Variants in CYP2C19 observed in about 807,000 individuals in gnomAD.
The protein encoded by CYP2C19 is cytochrome P450 2C19.
In CYP2C19, 59 loss-of-function variants were observed where a neutral mutation model predicts 40.9. That is an observed-to-expected ratio of 1.44 (90% CI 1.17 to 1.79). CYP2C19 has a LOEUF of 1.79. Ranked by LOEUF, CYP2C19 falls within the 40% of genes most tolerant of loss-of-function variation. The pLI, the probability that CYP2C19 is intolerant of heterozygous loss-of-function variation, is 0.00. For synonymous variants in CYP2C19, 253 were observed against 208.7 expected (o/e 1.21, Z -1.83); for missense variants, 754 against 596.9 (o/e 1.26, Z -2.74).
chr10:94,798,814 A>ATTTTTTTT (rs61240923), intron 5 of CYP2C19, among the ~76,000 whole-genome samples: 11 of 67,688 alleles, frequency 1.6e-4, no homozygotes, highest in Admixed American at 4.2e-4. Flanking sequence ...GCAACCCCTG[A>ATTTTTTTT]TTTTTTTTTT....
At chr10:94,816,481 C>T (rs144593784) in intron 5 of CYP2C19, among the ~76,000 whole-genome samples, 2 of 152,090 alleles carry the variant, frequency 1.3e-5, no homozygotes, top group East Asian at 3.9e-4. Flanking sequence ...CTATTTATAA[C>T]TCCATGCTGT....
chr10:94,773,980 C>G (rs573740720), intron 1 of CYP2C19: 1 of 152,256 alleles, frequency 6.6e-6, no homozygotes, highest in East Asian at 1.9e-4. Context: ...TGTTTACAAA[C>G]TTTTAGCTAG....
At chr10:94,805,894 G>A (rs72816679) in intron 5 of CYP2C19, among the ~76,000 whole-genome samples, 3,377 of 152,202 alleles carry the variant, frequency 0.022, 43 homozygotes, top group Non-Finnish European at 0.032. Flanking sequence ...GATACTGTGC[G>A]GACTAGCTGC....
rs991744282 is a variant in CYP2C19, at chr10:94,848,879, G to C, written c.1150-1038G>C. ...TCACTCATGATTTGGCTCTCTGTTT[G>C]TCTGTTATTGGTGTATAAGAATGCT... On this transcript the variant is annotated intron_variant, in intron 7 of 8. Coordinates refer to ENST00000371321, the MANE Select transcript of CYP2C19 (RefSeq NM_000769.4). 3.9e-4 allele frequency among the ~76,000 whole-genome samples: 60 copies of C among 152,122 alleles called. 1 individual carries two copies. Among genetic ancestry groups the C allele is most frequent in the Non-Finnish European group, 4.3e-4 (29 of 68,042 alleles).
At chr10:94,793,187 C>A (rs1848627453) in intron 5 of CYP2C19, among the ~76,000 whole-genome samples, 2 of 152,138 alleles carry the variant, frequency 1.3e-5, no homozygotes, top group Non-Finnish European at 2.9e-5. Context: ...GTTCTCATGA[C>A]ATGGTTTTCA....
intron 5 of CYP2C19, among the ~76,000 whole-genome samples, chr10:94,789,028 G>C (rs776554855): frequency 8.6e-5 from 13 of 151,946 alleles, no homozygotes; most frequent in East Asian, 1.9e-4. Flanking sequence ...GACTTTTAAT[G>C]TTCGCCATTC....
At chr10:94,842,585 G>A (rs1438988029) in intron 6 of CYP2C19, among the ~76,000 whole-genome samples, 1 of 151,066 alleles carries the variant, frequency 6.6e-6, no homozygotes, top group Admixed American at 6.6e-5. Context: ...ATTTCTTCCT[G>A]CCTTCCTTTA....
rs1849692846 is a variant in CYP2C19, at chr10:94,853,822, A to G, written c.*908A>G. Among the ~76,000 whole-genome samples, 1 of 152,102 alleles carries G rather than the reference A, an allele frequency of 6.6e-6. No homozygotes were observed. Among genetic ancestry groups the G allele is most frequent in the Non-Finnish European group, 1.5e-5 (1 of 68,014 alleles). ...CAGCCTCCCAAAGTGCTGGGATTACAGGAGTGAGACACTGTGCCTGGTCTA... is the reference window on the plus strand; with the variant it reads ...CAGCCTCCCAAAGTGCTGGGATTACGGGAGTGAGACACTGTGCCTGGTCTA... On this transcript the variant is annotated 3_prime_UTR_variant, in exon 9 of 9. Coordinates refer to ENST00000371321, the MANE Select transcript of CYP2C19 (RefSeq NM_000769.4).
intron 6 of CYP2C19, among the ~76,000 whole-genome samples, chr10:94,835,356 G>T (rs1048194126): frequency 1.3e-5 from 2 of 152,186 alleles, no homozygotes; most frequent in Admixed American, 1.3e-4. Context: ...CCATTGGTTA[G>T]CTGCAGGCAA....
intron 5 of CYP2C19, among the ~76,000 whole-genome samples, chr10:94,798,885 C>G (rs534190406): frequency 1.5e-5 from 2 of 129,392 alleles, no homozygotes; most frequent in African/African-American, 5.6e-5. Flanking sequence ...TTATTTTGAG[C>G]CTATTTGTGT....
rs1157042274 is a variant in CYP2C19 at position 94,775,525 on chromosome 10, T to A, written c.467T>A (p.Leu156Ter). The change falls in exon 3 of 9, where the codon TTG becomes TAG. Residue 156 changes from leucine (L) to a stop codon, truncating the protein, a stop_gained. Coordinates refer to ENST00000371321, the MANE Select transcript of CYP2C19 (RefSeq NM_000769.4). LOFTEE classifies it high-confidence loss of function. ...QEEARCLVEE[L>*]RKTKASPCDP... ...GAAGCCCGCTGCCTTGTGGAGGAGT[T>A]GAGAAAAACCAAGGGTGGGTGAACA... is the stretch of plus-strand genomic sequence containing the variant. 2.5e-6 allele frequency: 4 copies of A among 1,613,784 alleles called. No individual in the cohort carries two copies. The African/African-American group carries it at 5.3e-5, about 22-fold the overall frequency.
intron 1 of CYP2C19, among the ~76,000 whole-genome samples, chr10:94,770,997 A>G (rs565580540): frequency 6.6e-6 from 1 of 152,294 alleles, no homozygotes; most frequent in African/African-American, 2.4e-5. Context: ...TCTTTTCATT[A>G]AAGGCCAGGG....
At chr10:94,795,713 G>GT (rs1848674750) in intron 5 of CYP2C19, among the ~76,000 whole-genome samples, 1 of 152,090 alleles carries the variant, frequency 6.6e-6, no homozygotes, top group African/African-American at 2.4e-5. Context: ...GTGTGAGATG[G>GT]TATCTCATTG....
chr10:94,842,618 A>G (rs973464030), intron 6 of CYP2C19, among the ~76,000 whole-genome samples: 5 of 151,852 alleles, frequency 3.3e-5, no homozygotes, highest in African/African-American at 1.2e-4. Flanking sequence ...TTCTCTGCAT[A>G]TATGTGTACA....
At position 94,826,131 on chromosome 10, in the gene CYP2C19, G is replaced by A. The variant is rs982633862; in HGVS notation, c.961+5494G>A. Among the ~76,000 whole-genome samples, 139 of 152,186 alleles carry A rather than the reference G, an allele frequency of 9.1e-4. 1 individual carries two copies. The highest frequency in any genetic ancestry group is 3.3e-3 in the African/African-American group (135 of 41,516). On this transcript the variant is annotated intron_variant, in intron 6 of 8. Transcript: ENST00000371321. ...TGTTCTTTTGGCTTAGGAATGACTT[G>A]GTGATGCGGGCTCTTTTTTGGTTCC...
intron 3 of CYP2C19, among the ~76,000 whole-genome samples, chr10:94,778,720 C>T (rs1168634219): frequency 6.6e-6 from 1 of 151,944 alleles, no homozygotes; most frequent in African/African-American, 2.4e-5. Context: ...TTCCTCAATG[C>T]TAGAACCAGA....
At chr10:94,795,102 C>T (rs1002700664) in intron 5 of CYP2C19, among the ~76,000 whole-genome samples, 89 of 150,264 alleles carry the variant, frequency 5.9e-4, no homozygotes, top group Admixed American at 1.1e-3. Context: ...TGTGCTGCAC[C>T]CATTAACTCA....
At chr10:94,784,066 T>G (rs35390752) in intron 5 of CYP2C19, among the ~76,000 whole-genome samples, 26,148 of 152,094 alleles carry the variant, frequency 0.17, 2,503 homozygotes, top group South Asian at 0.33. Context: ...ATCACTCCAT[T>G]CCCCCACTCC....
chr10:94,768,090 G>A (rs927629042), intron 1 of CYP2C19, among the ~76,000 whole-genome samples: 3 of 152,170 alleles, frequency 2.0e-5, no homozygotes, highest in Admixed American at 1.3e-4. Context: ...GGTATTTAAT[G>A]GGGGTTTCTC....
Sources: gnomAD v4.1 joint callset for allele counts (sites outside exome capture counted in the v4.1 genomes callset) on GRCh38, gnomAD v4.1.1 for gene constraint, MANE v1.5 for transcripts, NCBI Gene and HGNC (gene_info 2026-07-23, HGNC 2026-07-21) for gene names.